Variants in ZNF423 observed in about 807,000 individuals in gnomAD.
ZNF423 encodes the protein zinc finger protein 423, also known as Ebf-associated zinc finger protein.
A neutral mutation model predicts 95.8 loss-of-function variants in ZNF423; 12 were observed. The observed-to-expected ratio is 0.13, with a 90% CI of 0.08 to 0.20. The LOEUF is 0.20. Among genes scored for constraint, ZNF423 ranks in the 10% least tolerant of loss-of-function variants. The pLI is 1.00. For missense variants in ZNF423, 1,316 were observed against 1,737.1 expected (o/e 0.76, Z 4.31); for synonymous variants, 749 against 711.9 (o/e 1.05, Z -0.83).
At chr16:49,789,617 G>T in intron 1 of ZNF423, 71 bp from the exon 2 acceptor site, 2 of 1,463,700 alleles carry the variant, frequency 1.4e-6, no homozygotes, top group Non-Finnish European at 1.8e-6. Flanking sequence ...GGCACAGGGC[G>T]AGGAAGAAGG....
intron 3 of ZNF423, among the ~76,000 whole-genome samples, chr16:49,691,514 C>T (rs554406199): frequency 4.6e-5 from 7 of 152,280 alleles, no homozygotes; most frequent in Admixed American, 1.3e-4. Context: ...GGGCGGATCA[C>T]GAGATCAGGA....
intron 1 of ZNF423, among the ~76,000 whole-genome samples, chr16:49,818,983 G>A (rs1476220916): frequency 1.3e-5 from 2 of 152,118 alleles, no homozygotes; most frequent in Non-Finnish European, 2.9e-5. Context: ...GCCGGGTGCA[G>A]TGGCTCATGC....
intron 2 of ZNF423, among the ~76,000 whole-genome samples, chr16:49,736,804 A>G (rs1346467454): frequency 6.6e-6 from 1 of 152,216 alleles, no homozygotes; most frequent in Non-Finnish European, 1.5e-5. Context: ...AAATAAAGTA[A>G]AAGTAGTGAA....
chr16:49,511,959 T>C (rs1361883955), intron 7 of ZNF423, among the ~76,000 whole-genome samples: 1 of 152,210 alleles, frequency 6.6e-6, no homozygotes, highest in Non-Finnish European at 1.5e-5. Flanking sequence ...ACTGTGGGGC[T>C]CTGTTTTGTG....
At chr16:49,663,156 C>T (rs902695026) in intron 3 of ZNF423, among the ~76,000 whole-genome samples, 2 of 152,228 alleles carry the variant, frequency 1.3e-5, no homozygotes, top group Non-Finnish European at 2.9e-5. Flanking sequence ...TCTCACACCC[C>T]GCGCCAGCAA....
chr16:49,708,474 G>A (rs1387549185), intron 3 of ZNF423, among the ~76,000 whole-genome samples: 1 of 151,970 alleles, frequency 6.6e-6, no homozygotes, highest in Non-Finnish European at 1.5e-5. Flanking sequence ...ATTTTTAGTA[G>A]AGATGTGGTT....
chr16:49,648,110 T>C (rs1317448709), intron 3 of ZNF423, among the ~76,000 whole-genome samples: 1 of 152,192 alleles, frequency 6.6e-6, no homozygotes, highest in Non-Finnish European at 1.5e-5. Flanking sequence ...TAAATCATCA[T>C]GAACAGACTA....
chr16:49,780,003 C>A (rs1760693231), intron 2 of ZNF423, among the ~76,000 whole-genome samples: 1 of 152,196 alleles, frequency 6.6e-6, no homozygotes, highest in Admixed American at 6.5e-5. Flanking sequence ...ATGACAGCAT[C>A]CCTGCCATCA....
In ZNF423 at chr16:49,503,357, G is replaced by A. The variant is rs956038666; in HGVS notation, c.3850-12053C>T. Among the ~76,000 whole-genome samples, 3 of 152,200 alleles carry A rather than the reference G, an allele frequency of 2.0e-5. No homozygotes were observed. In the South Asian group the frequency reaches 6.2e-4, roughly 32 times the overall value. On this transcript the variant is annotated intron_variant, in intron 7 of 7. Transcript: ENST00000563137. ...GTTTCTGCTTTTTAAACTCCCTGGC[G>A]GGTCCCACCCACACCCGGAACACAT...
intron 2 of ZNF423, among the ~76,000 whole-genome samples, chr16:49,757,595 C>G (rs914071224): frequency 2.6e-5 from 4 of 152,202 alleles, no homozygotes; most frequent in African/African-American, 9.7e-5. Context: ...TCAACACATC[C>G]CTCAGGCTAT....
chr16:49,804,013 G>A (rs2034622842), intron 1 of ZNF423, among the ~76,000 whole-genome samples: 1 of 143,338 alleles, frequency 7.0e-6, no homozygotes, highest in Non-Finnish European at 1.5e-5. Context: ...TCGACTCACT[G>A]CATCCTCCAC....
chr16:49,768,142 G>A lies in ZNF423; in HGVS notation c.100+21345C>T, dbSNP rs80038518. Reference sequence around the variant, plus strand: ...ACGAGGCTGGCAATTTCAGCGCTGAGGGCTCGCGCACAGCTGGACTCTGCC... The same window carrying A: ...ACGAGGCTGGCAATTTCAGCGCTGAAGGCTCGCGCACAGCTGGACTCTGCC... On this transcript the variant is annotated intron_variant, in intron 2 of 7. Coordinates refer to ENST00000563137, the MANE Select transcript of ZNF423 (RefSeq NM_001379286.1). Among the ~76,000 whole-genome samples, 723 of 152,346 alleles carry A rather than the reference G, an allele frequency of 4.7e-3. 6 individuals carry two copies. Among genetic ancestry groups the A allele is most frequent in the African/African-American group, 0.016 (680 of 41,590 alleles).
At position 49,637,952 on chromosome 16, in the gene ZNF423, G is replaced by A. The variant is rs372206769; in HGVS notation, c.1224C>T (p.Asp408=). 126 of 1,614,086 alleles carry A rather than the reference G, an allele frequency of 7.8e-5. No individual in the cohort carries two copies. Among genetic ancestry groups the A allele is most frequent in the Non-Finnish European group, 9.2e-5 (108 of 1,180,032 alleles). Residue 408 remains aspartate, a synonymous_variant, in exon 4 of 8, where the codon GAC becomes GAT. Transcript: ENST00000563137. The surrounding 1 kb of genome is among the most constrained non-coding windows in gnomAD (Gnocchi z 5.6). ...PLRGQKKMRD[D]GQGWTKVVYS... is the part of the protein sequence containing the mutation. ...AGACCACCTTGGTCCAGCCCTGCCC[G>A]TCATCCCGCATCTTCTTCTGCCCCC... is the stretch of plus-strand genomic sequence containing the variant.
chr16:49,680,427 A>G (rs1008902827), intron 3 of ZNF423, among the ~76,000 whole-genome samples: 18 of 152,248 alleles, frequency 1.2e-4, no homozygotes, highest in African/African-American at 4.3e-4. Flanking sequence ...GAGCTATGAC[A>G]CAAACAGCAC....
intron 1 of ZNF423, chr16:49,854,485 T>C: frequency 4.1e-6 from 4 of 985,412 alleles, no homozygotes; most frequent in Non-Finnish European, 4.8e-6. Flanking sequence ...GGAAATGAAC[T>C]TTTCAGAGCA....
chr16:49,780,606 T>G (rs2034195284), intron 2 of ZNF423: 1 of 152,180 alleles, frequency 6.6e-6, no homozygotes, highest in Non-Finnish European at 1.5e-5. Flanking sequence ...TGAGGCCCCC[T>G]GTGCTAGAGG....
At chr16:49,786,244 C>T (rs975762185) in intron 2 of ZNF423, among the ~76,000 whole-genome samples, 3 of 152,198 alleles carry the variant, frequency 2.0e-5, no homozygotes, top group Admixed American at 2.0e-4. Flanking sequence ...GGCCCCCGCT[C>T]GAGGGCACGG....
At chr16:49,757,268 T>C (rs2033744744) in intron 2 of ZNF423, among the ~76,000 whole-genome samples, 1 of 152,214 alleles carries the variant, frequency 6.6e-6, no homozygotes, top group Non-Finnish European at 1.5e-5. Context: ...TTCCATAGGT[T>C]CGTGATGCTC....
intron 3 of ZNF423, chr16:49,708,305 TTC>T (rs1350010974): frequency 6.6e-6 from 1 of 152,088 alleles, no homozygotes; most frequent in African/African-American, 2.4e-5. Context: ...TCTTTTTTTT[TTC>T]TTTTTTGAGG....
Sources: allele counts gnomAD v4.1 joint callset (sites outside exome capture counted in the v4.1 genomes callset), GRCh38; gene constraint gnomAD v4.1.1; non-coding constraint Gnocchi (gnomAD v3.1); transcripts MANE v1.5; gene names NCBI Gene and HGNC (gene_info 2026-07-23, HGNC 2026-07-21).